The following KLHL32 variants were observed in gnomAD, a reference collection of about 807,000 sequenced individuals.
KLHL32 encodes the protein kelch-like protein 32.
Under a neutral mutation model 64.8 loss-of-function variants are expected in KLHL32, and 35 were observed. That is an observed-to-expected ratio of 0.54 (90% CI 0.41 to 0.72). The LOEUF is 0.72. Ranked by LOEUF, KLHL32 falls within the 30% of genes least tolerant of loss-of-function variation. The pLI is 0.00. For synonymous variants in KLHL32, 259 were observed against 281.0 expected (o/e 0.92, Z 0.78); for missense variants, 589 against 768.5 (o/e 0.77, Z 2.76).
intron 1 of KLHL32, among the ~76,000 whole-genome samples, chr6:96,960,321 T>C (rs1773749074): frequency 6.6e-6 from 1 of 152,152 alleles, no homozygotes; most frequent in African/African-American, 2.4e-5. Context: ...TTACCGTACT[T>C]TTCCTGGTCA....
At chr6:96,966,499 A>AT (rs544074750) in intron 1 of KLHL32, among the ~76,000 whole-genome samples, 37 of 152,160 alleles carry the variant, frequency 2.4e-4, no homozygotes, top group Non-Finnish European at 4.1e-4. Context: ...TCTCTATGTT[A>AT]TTTTTTCCAC....
chr6:97,068,035 T>C (rs918561749), intron 5 of KLHL32, among the ~76,000 whole-genome samples: 3 of 143,464 alleles, frequency 2.1e-5, no homozygotes, highest in Non-Finnish European at 3.1e-5. Context: ...CACACACACA[T>C]ACACACACCA....
At chr6:96,953,629 CA>C (rs111533906) in intron 1 of KLHL32, among the ~76,000 whole-genome samples, 302 of 135,198 alleles carry the variant, frequency 2.2e-3, no homozygotes, top group African/African-American at 4.4e-3. Context: ...GACTCCATCT[CA>C]AAAAAAAAAA....
intron 6 of KLHL32, among the ~76,000 whole-genome samples, chr6:97,112,439 T>C (rs1207890420): frequency 6.6e-6 from 1 of 152,136 alleles, no homozygotes; most frequent in East Asian, 1.9e-4. Context: ...TTGTGGTTTT[T>C]TCATTGATGA....
intron 1 of KLHL32, among the ~76,000 whole-genome samples, chr6:96,959,138 C>T (rs530011145): frequency 5.9e-5 from 9 of 152,268 alleles, no homozygotes; most frequent in Non-Finnish European, 1.2e-4. Flanking sequence ...AGCTGGGGGC[C>T]AGATGCTCCA....
intron 3 of KLHL32, among the ~76,000 whole-genome samples, chr6:97,040,069 A>G (rs775028004): frequency 1.3e-5 from 2 of 152,244 alleles, no homozygotes; most frequent in South Asian, 2.1e-4. Flanking sequence ...ATATTGATAC[A>G]TTGGCAAAAG....
chr6:97,082,519 A>G (rs545201766), intron 5 of KLHL32, among the ~76,000 whole-genome samples: 174 of 152,192 alleles, frequency 1.1e-3, no homozygotes, highest in Non-Finnish European at 2.1e-3. Flanking sequence ...AGGCTGAAGC[A>G]GGAGAATGGC....
chr6:97,060,067 C>T (rs1420175906), intron 4 of KLHL32, among the ~76,000 whole-genome samples: 2 of 152,118 alleles, frequency 1.3e-5, no homozygotes, highest in Non-Finnish European at 1.5e-5. Flanking sequence ...TTACTAAAGA[C>T]CTTAGTTGTC....
intron 5 of KLHL32, among the ~76,000 whole-genome samples, chr6:97,074,469 A>G (rs925191203): frequency 1.3e-5 from 2 of 152,194 alleles, no homozygotes; most frequent in African/African-American, 2.4e-5. Flanking sequence ...TATTGATGCT[A>G]TGTATGCTTC....
chr6:97,068,574 T>A (rs986819817), intron 5 of KLHL32, among the ~76,000 whole-genome samples: 1 of 152,364 alleles, frequency 6.6e-6, no homozygotes, highest in South Asian at 2.1e-4. Flanking sequence ...CTGTAATTTT[T>A]AACAAATAAT....
intron 4 of KLHL32, among the ~76,000 whole-genome samples, chr6:97,044,904 T>C (rs1265443562): frequency 6.6e-6 from 1 of 152,066 alleles, no homozygotes; most frequent in Non-Finnish European, 1.5e-5. Context: ...TTCTCGTTTT[T>C]TTTCTTAGTC....
intron 3 of KLHL32, among the ~76,000 whole-genome samples, chr6:96,997,109 G>A (rs542846487): frequency 4.9e-4 from 74 of 152,246 alleles, no homozygotes; most frequent in Non-Finnish European, 7.8e-4. Context: ...AAGGCTTGAG[G>A]TCTGGAGAGT....
At chr6:97,035,912 A>G (rs1284835201) in intron 3 of KLHL32, among the ~76,000 whole-genome samples, 1 of 152,016 alleles carries the variant, frequency 6.6e-6, no homozygotes, top group Non-Finnish European at 1.5e-5. Context: ...TTCCTTTTCA[A>G]TAATCTTTCT....
chr6:97,017,199 G>C (rs1329393439), intron 3 of KLHL32, among the ~76,000 whole-genome samples: 1 of 152,206 alleles, frequency 6.6e-6, no homozygotes, highest in Non-Finnish European at 1.5e-5. Flanking sequence ...AAAAATCCTG[G>C]ACACATCTGG....
At chr6:97,130,321 C>T (rs888178682) in intron 8 of KLHL32, among the ~76,000 whole-genome samples, 2 of 152,166 alleles carry the variant, frequency 1.3e-5, no homozygotes, top group Non-Finnish European at 2.9e-5. Flanking sequence ...CTCAAGATCA[C>T]ATACAAGTTA....
intron 3 of KLHL32, among the ~76,000 whole-genome samples, chr6:97,030,809 C>A (rs1339243568): frequency 6.6e-6 from 1 of 152,168 alleles, no homozygotes; most frequent in African/African-American, 2.4e-5. Context: ...ACCTTACATG[C>A]AGAACATTTC....
At chr6:97,090,908 T>C (rs768855988) in intron 6 of KLHL32, among the ~76,000 whole-genome samples, 2 of 152,244 alleles carry the variant, frequency 1.3e-5, no homozygotes, top group Non-Finnish European at 2.9e-5. Context: ...CAATTAATCC[T>C]ATGACTTTAA....
chr6:96,962,078 A>C (rs1371937919), intron 1 of KLHL32, among the ~76,000 whole-genome samples: 1 of 152,208 alleles, frequency 6.6e-6, no homozygotes, highest in East Asian at 1.9e-4. Context: ...ACTAGAAGTA[A>C]GTAATTAAAA....
intron 7 of KLHL32, among the ~76,000 whole-genome samples, chr6:97,126,111 A>T (rs1034034768): frequency 6.6e-6 from 1 of 152,192 alleles, no homozygotes; most frequent in Non-Finnish European, 1.5e-5. Context: ...AATTCAAAAA[A>T]TTCTAGTAGG....
Sources: gnomAD v4.1 joint callset for allele counts (sites outside exome capture counted in the v4.1 genomes callset) on GRCh38, gnomAD v4.1.1 for gene constraint, MANE v1.5 for transcripts, NCBI Gene and HGNC (gene_info 2026-07-23, HGNC 2026-07-21) for gene names.